ARHGEF3: variants seen among roughly 807,000 people sequenced by gnomAD.
The protein encoded by ARHGEF3 is 59.8 kDA protein.
A neutral mutation model predicts 63.2 loss-of-function variants in ARHGEF3; 28 were observed. The ratio of observed to expected loss-of-function variants is 0.44; its 90% CI spans 0.33 to 0.61. The LOEUF (loss-of-function observed/expected upper bound fraction) is 0.61. Ranked by LOEUF, ARHGEF3 falls within the 20% of genes least tolerant of loss-of-function variation. The pLI, the probability that ARHGEF3 is intolerant of heterozygous loss-of-function variation, is 0.03. For missense variants in ARHGEF3, 533 were observed against 659.3 expected, an observed-to-expected ratio of 0.81 and a Z score of 2.10; for synonymous variants, 266 against 254.2, an observed-to-expected ratio of 1.05 and a Z score of -0.44.
At chr3:56,950,169 A>G (rs1356481127) in intron 3 of ARHGEF3, among the ~76,000 whole-genome samples, 1 of 152,146 alleles carries the variant, frequency 6.6e-6, no homozygotes. Context: ...ACCTAAAACT[A>G]TAAAAACCCT....
chr3:56,827,866 C>G (rs950816573), intron 4 of ARHGEF3, among the ~76,000 whole-genome samples: 4 of 139,882 alleles, frequency 2.9e-5, no homozygotes, highest in Middle Eastern at 4.2e-3. Flanking sequence ...ATCACCTGAG[C>G]CTGGGGAGGT....
intron 4 of ARHGEF3, among the ~76,000 whole-genome samples, chr3:56,828,060 A>G (rs933543733): frequency 1.3e-5 from 2 of 151,762 alleles, no homozygotes; most frequent in South Asian, 2.1e-4. Flanking sequence ...CAACATTGCT[A>G]TAACAGTAAG....
intron 4 of ARHGEF3, among the ~76,000 whole-genome samples, chr3:56,752,865 C>G (rs2034857142): frequency 6.6e-6 from 1 of 152,208 alleles, no homozygotes; most frequent in South Asian, 2.1e-4. Flanking sequence ...ACTAAAAACC[C>G]TTAAAAGAAG....
chr3:56,855,916 T>G (rs891988918), intron 4 of ARHGEF3, among the ~76,000 whole-genome samples: 1 of 152,242 alleles, frequency 6.6e-6, no homozygotes, highest in Non-Finnish European at 1.5e-5. Context: ...GAAATTTAAC[T>G]TCTAAAACAA....
intron 2 of ARHGEF3, among the ~76,000 whole-genome samples, chr3:56,966,113 T>C (rs6786942): frequency 0.13 from 19,809 of 152,232 alleles, 1,723 homozygotes; most frequent in Non-Finnish European, 0.19. Flanking sequence ...TAGTCATATA[T>C]ATGTAATAAA....
intron 1 of ARHGEF3, among the ~76,000 whole-genome samples, chr3:57,065,094 G>A (rs1705449536): frequency 6.6e-6 from 1 of 152,222 alleles, no homozygotes; most frequent in Non-Finnish European, 1.5e-5. Flanking sequence ...TTTAAGTTGG[G>A]AGAAATAACT....
chr3:56,748,550 T>C (rs1474643531), intron 6 of ARHGEF3, among the ~76,000 whole-genome samples: 1 of 30,798 alleles, frequency 3.2e-5, no homozygotes, highest in Non-Finnish European at 4.4e-5. Context: ...AAAAAATCTA[T>C]TTTTTTTTTT....
intron 1 of ARHGEF3, among the ~76,000 whole-genome samples, chr3:57,064,163 G>A (rs377090160): frequency 7.2e-5 from 11 of 152,206 alleles, no homozygotes; most frequent in South Asian, 4.1e-4. Context: ...CAGCTAACCC[G>A]GAAGCTGAGG....
intron 4 of ARHGEF3, among the ~76,000 whole-genome samples, chr3:56,819,722 C>T (rs376219921): frequency 2.0e-5 from 3 of 151,776 alleles, no homozygotes; most frequent in East Asian, 1.9e-4. Context: ...GGTCTTACTA[C>T]GTTGCCTAGG....
At position 56,743,354 on chromosome 3, in the gene ARHGEF3, A is replaced by G. The variant is rs924774657; in HGVS notation, c.870+1851T>C. On this transcript the variant is annotated intron_variant, in intron 7 of 9. Transcript: ENST00000296315. ...CTCCACAATTACAAAGGCAACAGAA[A>G]CTCAAAGTAGTGGGCAGGCTTTCTG... Among the ~76,000 whole-genome samples, 5 of 152,304 alleles carry G rather than the reference A, an allele frequency of 3.3e-5. 1 individual carries two copies. The highest frequency in any genetic ancestry group is 6.5e-5 in the Admixed American group (1 of 15,290).
intron 3 of ARHGEF3, among the ~76,000 whole-genome samples, chr3:56,909,415 C>T (rs1240322368): frequency 2.6e-5 from 4 of 152,194 alleles, no homozygotes; most frequent in Admixed American, 2.6e-4. Context: ...GGTGCAGAGC[C>T]TGCCTCTCTC....
intron 2 of ARHGEF3, among the ~76,000 whole-genome samples, chr3:56,964,179 C>A (rs1388940943): frequency 6.6e-6 from 1 of 151,916 alleles, no homozygotes; most frequent in African/African-American, 2.4e-5. Flanking sequence ...TGGTGAAACC[C>A]CGTCTCTACT....
intron 2 of ARHGEF3, among the ~76,000 whole-genome samples, chr3:56,976,420 T>TC (rs1272914214): frequency 1.3e-5 from 2 of 152,196 alleles, no homozygotes; most frequent in African/African-American, 4.8e-5. Flanking sequence ...CTAGTTTCTA[T>TC]CAAACAGGTA....
At chr3:56,868,950 C>T (rs759583792) in intron 4 of ARHGEF3, among the ~76,000 whole-genome samples, 46 of 152,004 alleles carry the variant, frequency 3.0e-4, no homozygotes, top group African/African-American at 9.9e-4. Context: ...AATTAGTGGA[C>T]GCGCTGAGTG....
chr3:56,883,483 G>C (rs1480971433), intron 3 of ARHGEF3, among the ~76,000 whole-genome samples: 2 of 152,028 alleles, frequency 1.3e-5, no homozygotes, highest in African/African-American at 2.4e-5. Context: ...TTTTTGTAGA[G>C]AGGGGGTCTT....
intron 4 of ARHGEF3, among the ~76,000 whole-genome samples, chr3:56,824,466 A>G (rs10866002): frequency 0.19 from 28,774 of 152,110 alleles, 3,016 homozygotes; most frequent in East Asian, 0.36. Flanking sequence ...TTAGAGCTCA[A>G]TCCTTCTAAT....
chr3:56,814,948 G>GGC (rs2038212506), intron 4 of ARHGEF3, among the ~76,000 whole-genome samples: 1 of 151,914 alleles, frequency 6.6e-6, no homozygotes, highest in Admixed American at 6.6e-5. Context: ...GGGCCACAAA[G>GGC]TAAGACCTCA....
At chr3:56,843,525 C>T (rs1420884688) in intron 4 of ARHGEF3, among the ~76,000 whole-genome samples, 1 of 152,094 alleles carries the variant, frequency 6.6e-6, no homozygotes, top group Non-Finnish European at 1.5e-5. Context: ...CCTTGGCCTC[C>T]CAAAGTGCTA....
At chr3:57,027,093 T>C (rs1703509184) in intron 2 of ARHGEF3, among the ~76,000 whole-genome samples, 1 of 152,164 alleles carries the variant, frequency 6.6e-6, no homozygotes, top group Admixed American at 6.5e-5. Flanking sequence ...TTTGAACTGA[T>C]AAGAGACTAA....
Sources: gnomAD v4.1 joint callset for allele counts (sites outside exome capture counted in the v4.1 genomes callset) on GRCh38, gnomAD v4.1.1 for gene constraint, MANE v1.5 for transcripts, NCBI Gene and HGNC (gene_info 2026-07-23, HGNC 2026-07-21) for gene names.